TANC2: variants seen among roughly 807,000 people sequenced by gnomAD.
TANC2 encodes tetratricopeptide repeat, ankyrin repeat and coiled-coil containing 2.
In TANC2, 26 loss-of-function variants were observed where a neutral mutation model predicts 210.5. That is an observed-to-expected ratio of 0.12 (90% CI 0.09 to 0.17). TANC2 has a LOEUF of 0.17. TANC2 is among the 10% of genes least tolerant of loss of function. The probability of loss-of-function intolerance (pLI) is 1.00; values close to 1 mark genes in which losing one functional copy is unlikely to be tolerated. For missense variants in TANC2, 2,129 were observed against 2,608.9 expected (o/e 0.82, Z 4.01); for synonymous variants, 931 against 967.1 (o/e 0.96, Z 0.69).
chr17:63,138,143 A>C (rs1266835906), intron 4 of TANC2, among the ~76,000 whole-genome samples: 42 of 152,232 alleles, frequency 2.8e-4, no homozygotes. Context: ...TTTGTAAAAG[A>C]CCCTTCCCCC....
intron 14 of TANC2, among the ~76,000 whole-genome samples, chr17:63,378,886 A>G (rs926827485): frequency 6.6e-6 from 1 of 152,200 alleles, no homozygotes; most frequent in Admixed American, 6.5e-5. Context: ...TTGTAAGTCC[A>G]GTTTGGGTCG....
chr17:63,086,544 T>C (rs1030967008), intron 3 of TANC2, among the ~76,000 whole-genome samples: 11 of 152,226 alleles, frequency 7.2e-5, no homozygotes, highest in African/African-American at 2.4e-4. Context: ...TATTCTTTCA[T>C]AGAAGTTCCA....
exon 28 of TANC2, chr17:63,426,666 C>G (rs994788745): frequency 1.3e-5 from 2 of 152,282 alleles, no homozygotes; most frequent in African/African-American, 4.8e-5. Flanking sequence ...CTCACCCCAT[C>G]ATCTCATTGC....
intron 14 of TANC2, among the ~76,000 whole-genome samples, chr17:63,371,031 A>G (rs781576049): frequency 1.3e-4 from 20 of 152,202 alleles, no homozygotes; most frequent in Non-Finnish European, 2.6e-4. Context: ...AACCCACATT[A>G]GCCTCCGTAA....
At chr17:63,005,739 G>T (rs1598232979) in intron 1 of TANC2, among the ~76,000 whole-genome samples, 1 of 152,006 alleles carries the variant, frequency 6.6e-6, no homozygotes, top group Non-Finnish European at 1.5e-5. Flanking sequence ...TATAATATCT[G>T]TAAGGTTTTG....
chr17:63,207,115 TG>T (rs1200144126), intron 7 of TANC2, among the ~76,000 whole-genome samples: 3 of 152,102 alleles, frequency 2.0e-5, no homozygotes, highest in African/African-American at 7.2e-5. Context: ...TTCATGATTT[TG>T]CCACATTTGT....
chr17:63,163,983 T>A (rs534716207), intron 5 of TANC2, among the ~76,000 whole-genome samples: 5 of 152,272 alleles, frequency 3.3e-5, no homozygotes, highest in South Asian at 2.1e-4. Context: ...ACTTTGAAAA[T>A]TTTTTAAATA....
At chr17:63,197,178 C>G (rs145104117) in intron 6 of TANC2, among the ~76,000 whole-genome samples, 3 of 152,236 alleles carry the variant, frequency 2.0e-5, no homozygotes, top group African/African-American at 7.2e-5. Flanking sequence ...TTCGTACTTT[C>G]ATTGGTTTCA....
intron 3 of TANC2, among the ~76,000 whole-genome samples, chr17:63,093,242 G>GTT (rs567578179): frequency 4.1e-5 from 6 of 145,210 alleles, no homozygotes; most frequent in South Asian, 2.2e-4. Flanking sequence ...TAGTTTTATA[G>GTT]TTTTTTTTTT....
intron 9 of TANC2, among the ~76,000 whole-genome samples, chr17:63,311,002 G>A (rs1333462744): frequency 5.9e-5 from 9 of 152,166 alleles, no homozygotes; most frequent in East Asian, 3.8e-4. Flanking sequence ...ACCGCTTTTC[G>A]TGAGAGGAAC....
intron 4 of TANC2, among the ~76,000 whole-genome samples, chr17:63,139,307 G>GGAGAATTAA (rs1426808334): frequency 6.6e-6 from 1 of 152,088 alleles, no homozygotes; most frequent in East Asian, 1.9e-4. Context: ...GACAGAAAAT[G>GGAGAATTAA]GAGAATTAAG....
chr17:63,093,689 C>G (rs553768790), intron 3 of TANC2, among the ~76,000 whole-genome samples: 21 of 152,254 alleles, frequency 1.4e-4, no homozygotes, highest in African/African-American at 5.1e-4. Flanking sequence ...TTGCTTCAAA[C>G]CTGTAGATCA....
chr17:62,998,839 A>T (rs183410618), intron 1 of TANC2, among the ~76,000 whole-genome samples: 1 of 152,242 alleles, frequency 6.6e-6, no homozygotes, highest in Non-Finnish European at 1.5e-5. Context: ...TAAAGCAGCT[A>T]TACAGTCAAG....
intron 19 of TANC2, among the ~76,000 whole-genome samples, chr17:63,399,486 G>A (rs118166511): frequency 1.3e-3 from 198 of 152,296 alleles, no homozygotes; most frequent in Middle Eastern, 3.4e-3. Flanking sequence ...TTTCTGTATC[G>A]TTCGGTACAA....
At chr17:63,066,192 CTGAAGCTTGGGACTT>C (rs1249461997) in intron 2 of TANC2, among the ~76,000 whole-genome samples, 1 of 152,118 alleles carries the variant, frequency 6.6e-6, no homozygotes, top group Non-Finnish European at 1.5e-5. Context: ...AAGGGTGGGT[CTGAAGCTTGGGACTT>C]TGAGAGCTGG....
At chr17:63,266,467 G>C (rs2043530156) in intron 8 of TANC2, among the ~76,000 whole-genome samples, 3 of 152,110 alleles carry the variant, frequency 2.0e-5, no homozygotes, top group Admixed American at 6.6e-5. Flanking sequence ...TATGAGGTTG[G>C]AGATGTAAGT....
chr17:63,355,485 A>AT, intron 14 of TANC2, 95 bp downstream of exon 14: 1 of 1,314,320 alleles, frequency 7.6e-7, no homozygotes, highest in Admixed American at 3.0e-5. Flanking sequence ...TTCATTGAAC[A>AT]TTTCACATAG....
chr17:63,175,629 A>T lies in TANC2; in HGVS notation c.434-18362A>T, dbSNP rs1598530880. Among the ~76,000 whole-genome samples the T allele has an allele frequency of 5.3e-5, 8 of 151,942 alleles. No individual in the cohort carries two copies. In the South Asian group the frequency reaches 1.7e-3, roughly 32 times the overall value. On this transcript the variant is annotated intron_variant, in intron 5 of 27. Coordinates refer to ENST00000689528, the Ensembl canonical transcript of TANC2. ...GGCAAGCAAAGATTTCTTGGATAGGACATGAGAAATGTGAGTCATAAAAGA... is the reference window on the plus strand; with the variant it reads ...GGCAAGCAAAGATTTCTTGGATAGGTCATGAGAAATGTGAGTCATAAAAGA...
intron 16 of TANC2, 127 bp from the exon 17 acceptor site, chr17:63,389,178 GATT>G: frequency 4.2e-6 from 3 of 711,708 alleles, no homozygotes; most frequent in Non-Finnish European, 7.0e-6. Context: ...GAGCAAATGA[GATT>G]ATAAAATAAA....
Sources: allele counts gnomAD v4.1 joint callset (sites outside exome capture counted in the v4.1 genomes callset), GRCh38; gene constraint gnomAD v4.1.1; transcripts MANE v1.5; gene names NCBI Gene and HGNC (gene_info 2026-07-23, HGNC 2026-07-21).